Variants in FZR1 observed in about 807,000 individuals in gnomAD.
The protein encoded by FZR1 is fizzy-related protein homolog.
In FZR1, 11 loss-of-function variants were observed where a neutral mutation model predicts 63.6. The observed-to-expected ratio is 0.17, with a 90% CI of 0.11 to 0.29. The LOEUF (loss-of-function observed/expected upper bound fraction) is 0.29. FZR1 is among the 10% of genes least tolerant of loss of function. The probability of loss-of-function intolerance (pLI) is 1.00; values close to 1 mark genes in which losing one functional copy is unlikely to be tolerated. For synonymous variants in FZR1, 328 were observed against 297.9 expected, an observed-to-expected ratio of 1.10 and a Z score of -1.04; for missense variants, 440 against 687.5, an observed-to-expected ratio of 0.64 and a Z score of 4.03.
intron 1 of FZR1, among the ~76,000 whole-genome samples, chr19:3,513,681 C>G (rs910440826): frequency 6.6e-6 from 1 of 152,150 alleles, no homozygotes; most frequent in South Asian, 2.1e-4. Context: ...GCCAGGAGCC[C>G]GCACGGGATG....
intron 7 of FZR1, 87 bp from the exon 8 acceptor site, chr19:3,530,705 G>A (rs2083238290): frequency 2.1e-6 from 2 of 930,556 alleles, no homozygotes; most frequent in South Asian, 3.0e-5. Context: ...AGAGTGGATG[G>A]GTGAGACAGT....
chr19:3,509,391 C>G (rs1331421279), intron 1 of FZR1, among the ~76,000 whole-genome samples: 1 of 152,258 alleles, frequency 6.6e-6, no homozygotes, highest in Non-Finnish European at 1.5e-5. Flanking sequence ...CCCACTCTCT[C>G]TTGGCTTCCT....
At chr19:3,507,029 C>T (rs891537451) in intron 1 of FZR1, among the ~76,000 whole-genome samples, 1 of 152,190 alleles carries the variant, frequency 6.6e-6, no homozygotes, top group Non-Finnish European at 1.5e-5. Flanking sequence ...GCAGTCCCAG[C>T]CCGGGACACC....
rs561303712 is a variant in FZR1, at chr19:3,514,363, C to T, written c.-35+7889C>T. Among the ~76,000 whole-genome samples the T allele has an allele frequency of 2.0e-5, 3 of 152,326 alleles. No homozygotes were observed. Among genetic ancestry groups the T allele is most frequent in the Admixed American group, 6.5e-5 (1 of 15,304 alleles). On this transcript the variant is annotated intron_variant, in intron 1 of 13. Transcript: ENST00000441788. The surrounding 1 kb of genome is among the most constrained non-coding windows in gnomAD (Gnocchi z 4.2). Reference sequence around the variant, plus strand: ...CCCGAGAGCAGGGTCTCTGCCCTTGCACCCTGTGGACATTGGGGCCGGATC... The same window carrying T: ...CCCGAGAGCAGGGTCTCTGCCCTTGTACCCTGTGGACATTGGGGCCGGATC...
intron 1 of FZR1, among the ~76,000 whole-genome samples, chr19:3,506,752 T>TC (rs2082986587): frequency 6.6e-6 from 1 of 151,232 alleles, no homozygotes; most frequent in African/African-American, 2.4e-5. Flanking sequence ...AGTCGTGACC[T>TC]CCCCGCAGCC....
intron 1 of FZR1, among the ~76,000 whole-genome samples, chr19:3,521,702 A>T (rs1401553643): frequency 2.0e-5 from 3 of 152,098 alleles, no homozygotes; most frequent in Non-Finnish European, 2.9e-5. Context: ...GGGTTTCACC[A>T]CGTTGGCCAG....
chr19:3,511,245 C>T lies in FZR1; in HGVS notation c.-35+4771C>T, dbSNP rs562574319. Among the ~76,000 whole-genome samples, 4 of 152,360 alleles carry T rather than the reference C, an allele frequency of 2.6e-5. 1 individual carries two copies. The highest frequency in any genetic ancestry group is 2.6e-4 in the Admixed American group (4 of 15,306). Reference sequence around the variant, plus strand: ...TACCAGGAGGCTGGAGATGAGCAACCTCGGGTCTTTTATCTGCAGGCACCA... The same window carrying T: ...TACCAGGAGGCTGGAGATGAGCAACTTCGGGTCTTTTATCTGCAGGCACCA... On this transcript the variant is annotated intron_variant, in intron 1 of 13. Coordinates refer to ENST00000441788, the MANE Select transcript of FZR1 (RefSeq NM_016263.4).
chr19:3,515,830 T>C lies in FZR1; in HGVS notation c.-34-7126T>C, dbSNP rs1387757439. 1.3e-5 allele frequency among the ~76,000 whole-genome samples: 2 copies of C among 151,568 alleles called. No individual in the cohort carries two copies. The highest frequency in any genetic ancestry group is 2.9e-5 in the Non-Finnish European group (2 of 67,946). On this transcript the variant is annotated intron_variant, in intron 1 of 13. Transcript: ENST00000441788. The surrounding 1 kb of genome is among the most constrained non-coding windows in gnomAD (Gnocchi z 4.6). ...AGGTGCCAGGAGAAATAAGGCTTCT[T>C]TCCTCCCCAATCCTCGTCCTCTCCT...
intron 1 of FZR1, among the ~76,000 whole-genome samples, chr19:3,520,733 G>A (rs1032272817): frequency 1.3e-5 from 2 of 152,228 alleles, no homozygotes; most frequent in Non-Finnish European, 1.5e-5. Flanking sequence ...ACCCCAGGCC[G>A]GGAGCTCGTC....
At chr19:3,519,571 G>T (rs143162316) in intron 1 of FZR1, among the ~76,000 whole-genome samples, 1 of 152,290 alleles carries the variant, frequency 6.6e-6, no homozygotes, top group Non-Finnish European at 1.5e-5. Context: ...GTCCTGCCTG[G>T]TTTTTGGTGT....
chr19:3,526,440 GCC>G lies in FZR1; in HGVS notation c.387+59_387+60del. 6.9e-7 allele frequency: 1 copy of G among 1,440,772 alleles called. No individual in the cohort carries two copies. The highest frequency in any genetic ancestry group is 9.4e-7 in the Non-Finnish European group (1 of 1,062,008). 89.2% of individuals were successfully genotyped at this position (1,440,772 alleles called of 1,614,324 possible). On this transcript the variant is annotated intron_variant, in intron 5 of 13. Coordinates refer to ENST00000441788, the MANE Select transcript of FZR1 (RefSeq NM_016263.4). This position sits in a 1 kb window ranked among gnomAD's most constrained non-coding sequence, Gnocchi z 5.4. ...GCTGGCTCCCAGTGCAGCCTCCCCG[GCC>G]CCCCACCTCCCAGGCACCAGCTCTG...
chr19:3,524,143 G>A (rs186781077), intron 2 of FZR1, among the ~76,000 whole-genome samples: 103 of 152,306 alleles, frequency 6.8e-4, no homozygotes, highest in African/African-American at 2.4e-3. Flanking sequence ...AGAGGATCTG[G>A]GCACCACGGC....
At chr19:3,518,056 C>T (rs901612985) in intron 1 of FZR1, among the ~76,000 whole-genome samples, 2 of 150,446 alleles carry the variant, frequency 1.3e-5, no homozygotes, top group African/African-American at 4.9e-5. Context: ...ACTGTGTCAC[C>T]CAGGCTGGAG....
Position 3,531,775 on chromosome 19 carries a change from G to A in FZR1, c.782G>A (p.Gly261Glu). 6.5e-7 allele frequency: 1 copy of A among 1,550,210 alleles called. No homozygotes were observed. The highest frequency in any genetic ancestry group is 8.7e-7 in the Non-Finnish European group (1 of 1,146,716). ...GTGCAGATCTGGGACGCAGCCGCAGGGAAGAAGCTGTCCATGTTGGAGGGC... is the reference window on the plus strand; with the variant it reads ...GTGCAGATCTGGGACGCAGCCGCAGAGAAGAAGCTGTCCATGTTGGAGGGC... The part of the protein sequence containing the change: ...GFVQIWDAAA[G>E]KKLSMLEGHT... The change falls in exon 9 of 14, where the codon GGG becomes GAG. Residue 261 changes from glycine (G) to glutamate (E), a missense_variant. By Grantham distance (98) the Gly-to-Glu change is moderately conservative. This residue lies in a region of FZR1 where 208 missense variants were observed against 363.6 expected (regional missense o/e 0.57). Coordinates refer to ENST00000441788, the MANE Select transcript of FZR1 (RefSeq NM_016263.4).
chr19:3,533,626 G>A lies in FZR1; in HGVS notation c.1347+228G>A. 3.7e-6 allele frequency: 2 copies of A among 539,608 alleles called. No homozygotes were observed. Among genetic ancestry groups the A allele is most frequent in the Non-Finnish European group, 6.6e-6 (2 of 301,970 alleles). 33.4% of individuals were successfully genotyped at this position (539,608 alleles called of 1,614,324 possible). On this transcript the variant is annotated intron_variant, in intron 12 of 13. Transcript: ENST00000441788. This position sits in a 1 kb window ranked among gnomAD's most constrained non-coding sequence, Gnocchi z 4.9. The stretch of plus-strand genomic sequence containing the variant: ...CTGCAGGTGCAGGCCCTGTCCTCCT[G>A]GAGGACCTTAGCTTCTTCATTTGTT...
chr19:3,512,120 G>T (rs1039808924), intron 1 of FZR1, among the ~76,000 whole-genome samples: 1 of 152,222 alleles, frequency 6.6e-6, no homozygotes, highest in Non-Finnish European at 1.5e-5. Context: ...GTCATGGTCT[G>T]TGGACAGGAG....
chr19:3,511,176 CTG>C (rs763237720), intron 1 of FZR1, among the ~76,000 whole-genome samples: 2 of 152,228 alleles, frequency 1.3e-5, no homozygotes, highest in African/African-American at 4.8e-5. Flanking sequence ...TCTTTTAGGT[CTG>C]AAGGTGTCAT....
rs1334809336 is a variant in FZR1 at position 3,538,318 on chromosome 19, CT to C, written c.*3483del. On this transcript the variant is annotated 3_prime_UTR_variant, in exon 14 of 14. Transcript: ENST00000441788. ...TGTTTATTGTGGTAAAATACAAAATCTACCGTCTTACAGTGAGGTGGCGTTC... is the reference window on the plus strand; with the variant it reads ...TGTTTATTGTGGTAAAATACAAAATCACCGTCTTACAGTGAGGTGGCGTTC... 5.8e-6 allele frequency: 1 copy of C among 171,502 alleles called. No homozygotes were observed. Among genetic ancestry groups the C allele is most frequent in the African/African-American group, 2.4e-5 (1 of 41,724 alleles). The allele number at this position is 171,502 out of a possible 1,614,324, so 10.6% of individuals were successfully genotyped here. A position where few individuals can be genotyped will look rare whatever the true frequency, so the allele number is the denominator to read the frequency against.
intron 12 of FZR1, 148 bp from the exon 13 acceptor site, chr19:3,534,273 G>C (rs932521859): frequency 3.8e-6 from 2 of 522,236 alleles, no homozygotes; most frequent in African/African-American, 4.1e-5. Context: ...TTCTGCTTGT[G>C]GTGGCCCCAG....
Sources: allele counts gnomAD v4.1 joint callset (sites outside exome capture counted in the v4.1 genomes callset), GRCh38; gene constraint gnomAD v4.1.1; regional missense constraint gnomAD v4.1.1; non-coding constraint Gnocchi (gnomAD v3.1); transcripts MANE v1.5; gene names NCBI Gene and HGNC (gene_info 2026-07-23, HGNC 2026-07-21).